The following PASD1 variants were observed in gnomAD, a reference collection of about 807,000 sequenced individuals.
PASD1 encodes PAS domain containing repressor 1.
A neutral mutation model predicts 58.8 loss-of-function variants in PASD1; 13 were observed. That is an observed-to-expected ratio of 0.22 (90% CI 0.14 to 0.35). The LOEUF (loss-of-function observed/expected upper bound fraction) is 0.35, where lower values mean the gene tolerates loss of function less well. Ranked by LOEUF, PASD1 falls within the 10% of genes least tolerant of loss-of-function variation. PASD1 has a pLI of 1.00. For missense variants in PASD1, 734 were observed against 568.3 expected, an observed-to-expected ratio of 1.29 and a Z score of -2.96; for synonymous variants, 236 against 216.7, an observed-to-expected ratio of 1.09 and a Z score of -0.78.
At chrX:151,644,262 G>A (rs1285584249) in intron 8 of PASD1, among the ~76,000 whole-genome samples, 1 of 112,342 alleles carries the variant, frequency 8.9e-6, no homozygotes, top group African/African-American at 3.2e-5. Context: ...ATCAGGATTT[G>A]TACATTGATT....
intron 1 of PASD1, among the ~76,000 whole-genome samples, chrX:151,567,166 C>T (rs771846861): frequency 1.8e-5 from 2 of 111,177 alleles, no homozygotes; most frequent in East Asian, 2.8e-4. Flanking sequence ...AGGGATGCTC[C>T]GCCATACGTA....
intron 9 of PASD1, among the ~76,000 whole-genome samples, chrX:151,657,704 T>C (rs1486228446): frequency 1.8e-5 from 2 of 111,536 alleles, no homozygotes; most frequent in African/African-American, 6.5e-5. Context: ...TCGGTGGTGA[T>C]ATCCCCTTTA....
intron 1 of PASD1, among the ~76,000 whole-genome samples, chrX:151,575,471 TC>T (rs1260177244): frequency 9.0e-6 from 1 of 111,601 alleles, no homozygotes; most frequent in African/African-American, 3.3e-5. Context: ...TACATAACAC[TC>T]ATCAGTTTTT....
chrX:151,652,539 A>C (rs1398529764), intron 9 of PASD1, among the ~76,000 whole-genome samples: 2 of 105,063 alleles, frequency 1.9e-5, no homozygotes, highest in African/African-American at 6.8e-5. Flanking sequence ...TCTCAAAAAA[A>C]AAAAAAACAA....
chrX:151,586,739 T>A (rs1318040244), intron 1 of PASD1, among the ~76,000 whole-genome samples: 1 of 111,715 alleles, frequency 9.0e-6, no homozygotes, highest in Non-Finnish European at 1.9e-5. Flanking sequence ...GAGAACTTGA[T>A]GCCGTGATGA....
intron 1 of PASD1, among the ~76,000 whole-genome samples, chrX:151,571,553 A>G (rs774480604): frequency 8.9e-5 from 10 of 112,090 alleles, no homozygotes; most frequent in Non-Finnish European, 1.9e-4. Context: ...CATGTCTTAT[A>G]GAGTCATGGA....
intron 1 of PASD1, among the ~76,000 whole-genome samples, chrX:151,573,152 A>G (rs2012951576): frequency 1.9e-5 from 2 of 105,000 alleles, no homozygotes; most frequent in Admixed American, 2.1e-4. Context: ...TAAATGACCA[A>G]ATCTCCCAAG....
intron 11 of PASD1, among the ~76,000 whole-genome samples, chrX:151,667,683 A>C (rs2014402276): frequency 1.8e-5 from 2 of 111,708 alleles, no homozygotes; most frequent in South Asian, 7.6e-4. Flanking sequence ...CAAAGATAAG[A>C]TGGTTGTAGA....
chrX:151,652,647 GC>G (rs2014146819), intron 9 of PASD1, among the ~76,000 whole-genome samples: 1 of 111,636 alleles, frequency 9.0e-6, no homozygotes, highest in Non-Finnish European at 1.9e-5. Flanking sequence ...GTTTGGGAAT[GC>G]AAGAGGTCGG....
At chrX:151,593,999 A>G (rs1024448038) in intron 1 of PASD1, among the ~76,000 whole-genome samples, 1 of 111,641 alleles carries the variant, frequency 9.0e-6, no homozygotes, top group Non-Finnish European at 1.9e-5. Context: ...TTTGAGACGG[A>G]GTCTCACTCT....
intron 1 of PASD1, among the ~76,000 whole-genome samples, chrX:151,581,070 A>G (rs956116133): frequency 9.2e-6 from 1 of 109,104 alleles, no homozygotes; most frequent in African/African-American, 3.3e-5. Flanking sequence ...TCCACAAAAA[A>G]TACAAAAATT....
rs755959763 is a variant in PASD1, at chrX:151,614,800, T to C, written c.207+3047T>C. Reference sequence around the variant, plus strand: ...ATTTTAGCCAGGCCAGTTGGCATGTTCCGTGGCCTTCTTGGAAGCTCAGAG... The same window carrying C: ...ATTTTAGCCAGGCCAGTTGGCATGTCCCGTGGCCTTCTTGGAAGCTCAGAG... On this transcript the variant is annotated intron_variant, in intron 4 of 15. Coordinates refer to ENST00000370357, the MANE Select transcript of PASD1 (RefSeq NM_173493.3). Among the ~76,000 whole-genome samples, 3 of 111,983 alleles carry C rather than the reference T, an allele frequency of 2.7e-5. No homozygotes were observed. The South Asian group carries it at 1.1e-3, about 42-fold the overall frequency.
chrX:151,632,319 G>T (rs182379124), intron 8 of PASD1, among the ~76,000 whole-genome samples: 92 of 111,612 alleles, frequency 8.2e-4, no homozygotes, highest in African/African-American at 2.9e-3. Context: ...AGCAAGCCTT[G>T]TGGATTTTGG....
At chrX:151,579,915 C>G (rs917426710) in intron 1 of PASD1, among the ~76,000 whole-genome samples, 1 of 112,010 alleles carries the variant, frequency 8.9e-6, no homozygotes, top group African/African-American at 3.2e-5. Flanking sequence ...GCAGTGCAGT[C>G]TGTTTTCTCT....
intron 6 of PASD1, 49 bp downstream of exon 6, chrX:151,621,641 G>A: frequency 3.4e-6 from 3 of 872,343 alleles, no homozygotes; most frequent in Non-Finnish European, 4.9e-6. Flanking sequence ...GAGTCATGTA[G>A]CCTCACATTA....
At chrX:151,675,716 C>A (rs902729971) in intron 15 of PASD1, among the ~76,000 whole-genome samples, 2 of 111,937 alleles carry the variant, frequency 1.8e-5, no homozygotes, top group African/African-American at 6.5e-5. Context: ...AGAAGCTGGA[C>A]AAGAGAGGGC....
At chrX:151,653,757 T>TC (rs1419830964) in intron 9 of PASD1, among the ~76,000 whole-genome samples, 2 of 2,461 alleles carry the variant, frequency 8.1e-4, no homozygotes. Flanking sequence ...CTTCCTTCTT[T>TC]CTTTCTTTCT....
chrX:151,616,286 G>A (rs2013636301), intron 4 of PASD1, among the ~76,000 whole-genome samples: 1 of 111,300 alleles, frequency 9.0e-6, no homozygotes, highest in Non-Finnish European at 1.9e-5. Context: ...ATGGTAGTGG[G>A]TTGGATTAAT....
At chrX:151,667,695 A>G (rs1278385746) in intron 11 of PASD1, among the ~76,000 whole-genome samples, 1 of 111,467 alleles carries the variant, frequency 9.0e-6, no homozygotes, top group South Asian at 3.8e-4. Flanking sequence ...GGTTGTAGAT[A>G]TGTGGCATTA....
Sources: gnomAD v4.1 joint callset for allele counts (sites outside exome capture counted in the v4.1 genomes callset) on GRCh38, gnomAD v4.1.1 for gene constraint, MANE v1.5 for transcripts, NCBI Gene and HGNC (gene_info 2026-07-23, HGNC 2026-07-21) for gene names.